Variants in B3GALT1 observed in about 807,000 individuals in gnomAD.
B3GALT1 encodes the protein UDP-Gal:betaGlcNAc beta 1,3-galactosyltransferase, polypeptide 1.
A neutral mutation model predicts 23.2 loss-of-function variants in B3GALT1; 10 were observed. The observed-to-expected ratio is 0.43, with a 90% CI of 0.27 to 0.73. The LOEUF (loss-of-function observed/expected upper bound fraction) is 0.73, where lower values mean the gene tolerates loss of function less well. Among genes scored for constraint, B3GALT1 ranks in the 30% least tolerant of loss-of-function variants. The probability of loss-of-function intolerance (pLI) is 0.21; values close to 1 mark genes in which losing one functional copy is unlikely to be tolerated. For synonymous variants in B3GALT1, 156 were observed against 141.5 expected (o/e 1.10, Z -0.73); for missense variants, 299 against 405.4 (o/e 0.74, Z 2.25).
At chr2:167,810,717 A>T (rs1430930247) in intron 3 of B3GALT1, among the ~76,000 whole-genome samples, 2 of 144,996 alleles carry the variant, frequency 1.4e-5, no homozygotes, top group African/African-American at 2.9e-5. Flanking sequence ...ACACAAAGAA[A>T]ACAACACACA....
At chr2:167,436,924 A>G (rs980105646) in intron 1 of B3GALT1, among the ~76,000 whole-genome samples, 1 of 152,198 alleles carries the variant, frequency 6.6e-6, no homozygotes, top group African/African-American at 2.4e-5. Flanking sequence ...TACACTATGC[A>G]GACATAAATG....
rs368887010 is a variant in B3GALT1, at chr2:167,619,805, CATTT to C, written c.-409-27102_-409-27099del. On this transcript the variant is annotated intron_variant, in intron 2 of 4. Transcript: ENST00000392690. ...TTAATTTTTAAAAGCACTATTCATT[CATTT>C]AGTCAGTCAGCTAATATTTATTAAG... Among the ~76,000 whole-genome samples, 610 of 152,170 alleles carry C rather than the reference CATTT, an allele frequency of 4.0e-3. 3 individuals carry two copies. The highest frequency in any genetic ancestry group is 0.014 in the African/African-American group (578 of 41,546).
intron 3 of B3GALT1, among the ~76,000 whole-genome samples, chr2:167,664,971 T>C (rs1457538684): frequency 6.6e-6 from 1 of 150,956 alleles, no homozygotes; most frequent in Non-Finnish European, 1.5e-5. Flanking sequence ...TCCTGCCTAA[T>C]TGCCCTGGCC....
At chr2:167,470,042 C>T (rs1055809004) in intron 1 of B3GALT1, among the ~76,000 whole-genome samples, 2 of 152,152 alleles carry the variant, frequency 1.3e-5, no homozygotes, top group Non-Finnish European at 2.9e-5. Flanking sequence ...AATAAACTCT[C>T]ATCACAATAT....
intron 1 of B3GALT1, among the ~76,000 whole-genome samples, chr2:167,442,919 C>G (rs1009444260): frequency 6.9e-6 from 1 of 145,688 alleles, no homozygotes; most frequent in African/African-American, 2.6e-5. Context: ...GTTGCCATTG[C>G]TTTTGGTGTT....
At chr2:167,671,844 A>T (rs375876190) in intron 3 of B3GALT1, among the ~76,000 whole-genome samples, 1 of 152,112 alleles carries the variant, frequency 6.6e-6, no homozygotes, top group South Asian at 2.1e-4. Flanking sequence ...ACAAAACTAA[A>T]AGTTGGTTTT....
chr2:167,482,584 C>G lies in B3GALT1; in HGVS notation c.-510-7593C>G, dbSNP rs1377121648. The stretch of plus-strand genomic sequence containing the variant: ...GTACAAAAATCTTCTCTTCGAACCC[C>G]AGTGTTAAATCATTTTTATTACATT... On this transcript the variant is annotated intron_variant, in intron 1 of 4. Coordinates refer to ENST00000392690, the MANE Select transcript of B3GALT1 (RefSeq NM_020981.4). Among the ~76,000 whole-genome samples, 5 of 152,172 alleles carry G rather than the reference C, an allele frequency of 3.3e-5. No individual in the cohort carries two copies. In the East Asian group the frequency reaches 9.6e-4, roughly 29 times the overall value.
chr2:167,746,322 TTTAG>T (rs1480835428), intron 3 of B3GALT1, among the ~76,000 whole-genome samples: 7 of 152,338 alleles, frequency 4.6e-5, no homozygotes, highest in African/African-American at 1.7e-4. Context: ...AGTTTCAAAG[TTTAG>T]TTAAGAGACT....
chr2:167,338,542 T>C (rs1697096702), intron 1 of B3GALT1, among the ~76,000 whole-genome samples: 1 of 152,084 alleles, frequency 6.6e-6, no homozygotes, highest in South Asian at 2.1e-4. Flanking sequence ...TAAATGGCAT[T>C]ACAAATCAGT....
intron 3 of B3GALT1, among the ~76,000 whole-genome samples, chr2:167,799,291 G>A (rs534882816): frequency 1.8e-4 from 27 of 152,126 alleles, no homozygotes; most frequent in Non-Finnish European, 2.8e-4. Flanking sequence ...CCCACCGTCC[G>A]AACAGTGTAC....
At chr2:167,766,763 T>A (rs1276156395) in intron 3 of B3GALT1, among the ~76,000 whole-genome samples, 3 of 152,104 alleles carry the variant, frequency 2.0e-5, no homozygotes, top group Non-Finnish European at 4.4e-5. Context: ...TCTGGTACAG[T>A]TTCCCAGGAG....
chr2:167,592,451 G>A (rs1684703101), intron 2 of B3GALT1, among the ~76,000 whole-genome samples: 1 of 152,102 alleles, frequency 6.6e-6, no homozygotes. Flanking sequence ...GCAGGTTTGT[G>A]GACATAGAAA....
intron 1 of B3GALT1, among the ~76,000 whole-genome samples, chr2:167,481,071 T>C (rs1699558635): frequency 6.6e-6 from 1 of 152,206 alleles, no homozygotes. Context: ...TACTTGCAAT[T>C]CAAAACCATG....
chr2:167,731,193 C>T (rs529353812), intron 3 of B3GALT1, among the ~76,000 whole-genome samples: 1 of 152,312 alleles, frequency 6.6e-6, no homozygotes, highest in African/African-American at 2.4e-5. Context: ...AATATTTAAT[C>T]TCTCTGGAGA....
chr2:167,382,945 T>C (rs144777461), intron 1 of B3GALT1, among the ~76,000 whole-genome samples: 7 of 152,258 alleles, frequency 4.6e-5, no homozygotes, highest in African/African-American at 1.7e-4. Flanking sequence ...AGAAATGTGT[T>C]AAAGGTACAA....
chr2:167,310,861 C>G (rs1346508117), intron 1 of B3GALT1, among the ~76,000 whole-genome samples: 2 of 151,962 alleles, frequency 1.3e-5, no homozygotes, highest in Non-Finnish European at 2.9e-5. Context: ...TGTGTTCAAG[C>G]ACTTCTGGAA....
At chr2:167,752,062 T>C (rs1558968114) in intron 3 of B3GALT1, among the ~76,000 whole-genome samples, 1 of 152,156 alleles carries the variant, frequency 6.6e-6, no homozygotes, top group African/African-American at 2.4e-5. Context: ...CTACTGAAAG[T>C]AGTATTGTCT....
chr2:167,411,378 CAAAAA>C (rs60719828), intron 1 of B3GALT1, among the ~76,000 whole-genome samples: 27,486 of 136,260 alleles, frequency 0.2, 2,705 homozygotes, highest in African/African-American at 0.27. Context: ...AACAAAAAAC[CAAAAA>C]AAAAAAAAAA....
intron 1 of B3GALT1, among the ~76,000 whole-genome samples, chr2:167,479,785 G>A (rs1180659242): frequency 6.6e-6 from 1 of 152,042 alleles, no homozygotes; most frequent in Non-Finnish European, 1.5e-5. Context: ...TAAAGAAAGA[G>A]TTTAAGTAAT....
Sources: allele counts gnomAD v4.1 joint callset (sites outside exome capture counted in the v4.1 genomes callset), GRCh38; gene constraint gnomAD v4.1.1; transcripts MANE v1.5; gene names NCBI Gene and HGNC (gene_info 2026-07-23, HGNC 2026-07-21).